Variants in BMP5 observed in about 807,000 individuals in gnomAD.
The protein encoded by BMP5 is bone morphogenetic protein 5.
A neutral mutation model predicts 46.6 loss-of-function variants in BMP5; 23 were observed. The ratio of observed to expected loss-of-function variants is 0.49; its 90% CI spans 0.35 to 0.70. The LOEUF is 0.70. Ranked by LOEUF, BMP5 falls within the 30% of genes least tolerant of loss-of-function variation. BMP5 has a pLI of 0.00. For synonymous variants in BMP5, 204 were observed against 191.9 expected, an observed-to-expected ratio of 1.06 and a Z score of -0.52; for missense variants, 545 against 565.6, an observed-to-expected ratio of 0.96 and a Z score of 0.37.
chr6:55,838,395 G>T (rs2127544659), intron 1 of BMP5, among the ~76,000 whole-genome samples: 1 of 152,266 alleles, frequency 6.6e-6, no homozygotes, highest in African/African-American at 2.4e-5. Flanking sequence ...GATGATCAAT[G>T]ATGTTGAGCA....
At chr6:55,849,465 G>GCAATTT (rs1777172703) in intron 1 of BMP5, among the ~76,000 whole-genome samples, 1 of 152,014 alleles carries the variant, frequency 6.6e-6, no homozygotes, top group Non-Finnish European at 1.5e-5. Context: ...ACTAACATGA[G>GCAATTT]AGTAAGCAAC....
chr6:55,785,618 A>T (rs1350738019), intron 3 of BMP5, among the ~76,000 whole-genome samples: 1 of 151,836 alleles, frequency 6.6e-6, no homozygotes, highest in Non-Finnish European at 1.5e-5. Flanking sequence ...GTAGAAATCT[A>T]GTCATGTTTA....
intron 2 of BMP5, among the ~76,000 whole-genome samples, chr6:55,810,066 T>C (rs1274618817): frequency 6.6e-6 from 1 of 152,174 alleles, no homozygotes; most frequent in African/African-American, 2.4e-5. Context: ...TTAATAATGG[T>C]AAATTCTAGA....
rs765924459 is a variant in BMP5 at position 55,874,808 on chromosome 6, C to T, written c.58G>A (p.Val20Ile). ...CCTCCTTTTGCATAACCCACTAGAA[C>T]CCAGCAGCTCCAGAGGAAACCCACA... Reference protein sequence around the residue: ...GIVGFLWSCWVLVGYAKGGLG... With the variant: ...GIVGFLWSCWILVGYAKGGLG... Residue 20 changes from valine to isoleucine, a missense_variant, in exon 1 of 7, where the codon GTT becomes ATT. Val to Ile is a conservative substitution (Grantham distance 29). Coordinates refer to ENST00000370830, the MANE Select transcript of BMP5 (RefSeq NM_021073.4). 2 of 1,613,254 alleles carry T rather than the reference C, an allele frequency of 1.2e-6. No homozygotes were observed. Among genetic ancestry groups the T allele is most frequent in the South Asian group, 1.1e-5 (1 of 91,070 alleles).
At chr6:55,849,720 A>G (rs965692361) in intron 1 of BMP5, among the ~76,000 whole-genome samples, 12 of 152,068 alleles carry the variant, frequency 7.9e-5, no homozygotes, top group Non-Finnish European at 1.6e-4. Context: ...GATTTCCTTC[A>G]AGCATTCCTA....
chr6:55,856,719 G>T (rs1777407601), intron 1 of BMP5, among the ~76,000 whole-genome samples: 1 of 151,872 alleles, frequency 6.6e-6, no homozygotes, highest in Non-Finnish European at 1.5e-5. Flanking sequence ...CACCCGATTA[G>T]TGATTGATTT....
intron 1 of BMP5, among the ~76,000 whole-genome samples, chr6:55,872,208 C>T (rs1482754110): frequency 6.6e-6 from 1 of 151,612 alleles, no homozygotes; most frequent in Non-Finnish European, 1.5e-5. Flanking sequence ...GTTTAATTTT[C>T]CTTAAAGTCT....
At position 55,837,369 on chromosome 6, in the gene BMP5, A is replaced by AGATAGATGGATG. The variant is rs1554184998; in HGVS notation, c.491-17523_491-17522insCATCCATCTATC. On this transcript the variant is annotated intron_variant, in intron 1 of 6. Transcript: ENST00000370830. ...TAGATAGATAGATAGATAGATAGAT[A>AGATAGATGGATG]GATAGATAGACAGACAGATAGAAGA... 2.0e-5 allele frequency among the ~76,000 whole-genome samples: 3 copies of AGATAGATGGATG among 148,972 alleles called. No homozygotes were observed. In the South Asian group the frequency reaches 6.2e-4, roughly 31 times the overall value.
At chr6:55,807,927 T>A (rs1167440966) in intron 2 of BMP5, among the ~76,000 whole-genome samples, 1 of 152,166 alleles carries the variant, frequency 6.6e-6, no homozygotes, top group East Asian at 1.9e-4. Flanking sequence ...TGTCTGATGA[T>A]CCCTGTTGGA....
At chr6:55,825,587 T>A (rs939245432) in intron 1 of BMP5, among the ~76,000 whole-genome samples, 1 of 151,826 alleles carries the variant, frequency 6.6e-6, no homozygotes, top group Non-Finnish European at 1.5e-5. Context: ...TTAACAGAAG[T>A]TAATGACTGA....
Position 55,754,984 on chromosome 6 carries a change from T to C in BMP5, c.*549A>G, listed in dbSNP as rs1245401546. The C allele has an allele frequency of 6.6e-6, 1 of 152,434 alleles. No individual in the cohort carries two copies. The highest frequency in any genetic ancestry group is 1.5e-5 in the Non-Finnish European group (1 of 68,286). The allele number at this position is 152,434 out of a possible 1,614,324, so 9.4% of individuals were successfully genotyped here. On this transcript the variant is annotated 3_prime_UTR_variant, in exon 7 of 7. Coordinates refer to ENST00000370830, the MANE Select transcript of BMP5 (RefSeq NM_021073.4). ...AATCTTTCAGCTTCTATGTTCTGCCTACCGTTTATTTATTCAAATCCAGTT... is the reference window on the plus strand; with the variant it reads ...AATCTTTCAGCTTCTATGTTCTGCCCACCGTTTATTTATTCAAATCCAGTT...
At chr6:55,835,842 A>C (rs1776781080) in intron 1 of BMP5, among the ~76,000 whole-genome samples, 1 of 152,214 alleles carries the variant, frequency 6.6e-6, no homozygotes. Flanking sequence ...AATTTGGGGA[A>C]AAGAATTACA....
chr6:55,783,621 G>T (rs1775378329), intron 3 of BMP5, among the ~76,000 whole-genome samples: 1 of 151,992 alleles, frequency 6.6e-6, no homozygotes, highest in East Asian at 1.9e-4. Context: ...GAAAAGAAAA[G>T]AAAGAGTCAA....
intron 2 of BMP5, among the ~76,000 whole-genome samples, chr6:55,808,406 A>C (rs1776043578): frequency 6.6e-6 from 1 of 152,128 alleles, no homozygotes; most frequent in Non-Finnish European, 1.5e-5. Flanking sequence ...AGGTTAATGT[A>C]TTAGGCAGTT....
chr6:55,816,045 T>A (rs1051800680), intron 2 of BMP5, among the ~76,000 whole-genome samples: 1 of 152,016 alleles, frequency 6.6e-6, no homozygotes, highest in Non-Finnish European at 1.5e-5. Context: ...TAAATACAAT[T>A]AATAAATATA....
intron 1 of BMP5, among the ~76,000 whole-genome samples, chr6:55,827,139 G>T (rs1249225934): frequency 6.6e-6 from 1 of 151,766 alleles, no homozygotes; most frequent in Non-Finnish European, 1.5e-5. Flanking sequence ...GATGAACAAA[G>T]TTGGGTGTAT....
chr6:55,815,974 G>A lies in BMP5; in HGVS notation c.683+3681C>T, dbSNP rs570146795. Among the ~76,000 whole-genome samples the A allele has an allele frequency of 3.9e-4, 59 of 152,152 alleles. 1 individual carries two copies. The South Asian group carries it at 0.012, about 30-fold the overall frequency. On this transcript the variant is annotated intron_variant, in intron 2 of 6. Transcript: ENST00000370830. ...CATTAAGAAATATACTGAGCAGACAGAACAGTGGGCATACAGAAAAGATAG... is the reference window on the plus strand; with the variant it reads ...CATTAAGAAATATACTGAGCAGACAAAACAGTGGGCATACAGAAAAGATAG...
In BMP5 at chr6:55,753,804, T is replaced by C. The variant is rs1474122426; in HGVS notation, c.*1729A>G. 1 of 151,938 alleles carries C rather than the reference T, an allele frequency of 6.6e-6. No individual in the cohort carries two copies. Among genetic ancestry groups the C allele is most frequent in the Non-Finnish European group, 1.5e-5 (1 of 67,900 alleles). The allele number at this position is 151,938 out of a possible 1,614,324, so 9.4% of individuals were successfully genotyped here. A position where few individuals can be genotyped will look rare whatever the true frequency, so the allele number is the denominator to read the frequency against. On this transcript the variant is annotated 3_prime_UTR_variant, in exon 7 of 7. Transcript: ENST00000370830. ...TCTCAATTTATGATATACTTACATT[T>C]TGTATTCCTTTTAAATAAAGAACCA...
chr6:55,844,857 GT>G (rs1356602425), intron 1 of BMP5, among the ~76,000 whole-genome samples: 1 of 151,792 alleles, frequency 6.6e-6, no homozygotes. Context: ...CAACCAAAAT[GT>G]TTTCCAAAAG....
Sources: allele counts gnomAD v4.1 joint callset (sites outside exome capture counted in the v4.1 genomes callset), GRCh38; gene constraint gnomAD v4.1.1; transcripts MANE v1.5; gene names NCBI Gene and HGNC (gene_info 2026-07-23, HGNC 2026-07-21).